The following TMEM87B variants were observed in gnomAD, a reference collection of about 807,000 sequenced individuals.
The protein encoded by TMEM87B is transmembrane protein 87B.
A neutral mutation model predicts 80.3 loss-of-function variants in TMEM87B; 83 were observed. The ratio of observed to expected loss-of-function variants is 1.03; its 90% CI spans 0.87 to 1.24. TMEM87B has a LOEUF of 1.24. TMEM87B is among the 50% of genes most tolerant of loss of function. The pLI is 0.00. For synonymous variants in TMEM87B, 219 were observed against 230.5 expected (o/e 0.95, Z 0.45); for missense variants, 625 against 674.4 (o/e 0.93, Z 0.81).
chr2:112,086,152 C>T (rs746455505), intron 9 of TMEM87B, 48 bp downstream of exon 9: 1 of 1,458,152 alleles, frequency 6.9e-7, no homozygotes, highest in Non-Finnish European at 9.6e-7. Context: ...CCCAGTGATT[C>T]AGTCCGTCTA....
intron 1 of TMEM87B, 42 bp downstream of exon 1, chr2:112,055,798 C>T (rs764861617): frequency 4.1e-6 from 6 of 1,447,502 alleles, no homozygotes; most frequent in Non-Finnish European, 5.5e-6. Context: ...CGTCTCGGGC[C>T]GTCAGGGCCG....
At chr2:112,094,499 G>A (rs967663185) in intron 11 of TMEM87B, among the ~76,000 whole-genome samples, 1 of 151,856 alleles carries the variant, frequency 6.6e-6, no homozygotes, top group Non-Finnish European at 1.5e-5. Context: ...TAGTTCATTG[G>A]GAAAAACACT....
At chr2:112,067,127 C>G (rs1057407516) in intron 4 of TMEM87B, 60 bp downstream of exon 4, 2 of 1,567,964 alleles carry the variant, frequency 1.3e-6, no homozygotes, top group African/African-American at 2.8e-5. Flanking sequence ...CAAGTATCAA[C>G]TGAAGTAATG....
chr2:112,112,839 C>A, intron 17 of TMEM87B, 60 bp from the exon 18 acceptor site: 1 of 1,534,502 alleles, frequency 6.5e-7, no homozygotes, highest in South Asian at 1.1e-5. Flanking sequence ...ATTCGGCTTT[C>A]GTGGATACAC....
intron 5 of TMEM87B, among the ~76,000 whole-genome samples, chr2:112,076,842 T>G (rs1001602609): frequency 2.9e-4 from 40 of 139,264 alleles, no homozygotes; most frequent in African/African-American, 9.4e-4. Context: ...CTTTTCTGTT[T>G]TGTGTGTGTG....
Position 112,081,891 on chromosome 2 carries a change from C to T in TMEM87B, c.838+373C>T, listed in dbSNP as rs115966237. Among the ~76,000 whole-genome samples, 231 of 152,258 alleles carry T rather than the reference C, an allele frequency of 1.5e-3. 2 individuals are homozygous for T. Among genetic ancestry groups the T allele is most frequent in the African/African-American group, 4.9e-3 (205 of 41,544 alleles). Reference sequence around the variant, plus strand: ...CACATCTTCTTTTCTTTCTCCTTCTCCTTCAAAAAACGAAAGGAAATTGGC... The same window carrying T: ...CACATCTTCTTTTCTTTCTCCTTCTTCTTCAAAAAACGAAAGGAAATTGGC... On this transcript the variant is annotated intron_variant, in intron 8 of 18. Coordinates refer to ENST00000283206, the MANE Select transcript of TMEM87B (RefSeq NM_032824.3).
Position 112,055,423 on chromosome 2 carries a change from T to G in TMEM87B, c.-169T>G. Reference sequence around the variant, plus strand: ...CCTGCCTCCCGGTCCTGGCCGGGTTTCCCAGAACTGCACGGCGCCTCTCCG... The same window carrying G: ...CCTGCCTCCCGGTCCTGGCCGGGTTGCCCAGAACTGCACGGCGCCTCTCCG... On this transcript the variant is annotated 5_prime_UTR_variant, in exon 1 of 19. Coordinates refer to ENST00000283206, the MANE Select transcript of TMEM87B (RefSeq NM_032824.3). The G allele has an allele frequency of 1.3e-6, 1 of 757,366 alleles. No homozygotes were observed. Among genetic ancestry groups the G allele is most frequent in the Non-Finnish European group, 2.0e-6 (1 of 510,822 alleles). The allele number at this position is 757,366 out of a possible 1,614,324, so 46.9% of individuals were successfully genotyped here.
chr2:112,096,269 G>A (rs1025540851), intron 11 of TMEM87B, among the ~76,000 whole-genome samples: 3 of 151,994 alleles, frequency 2.0e-5, no homozygotes, highest in Non-Finnish European at 2.9e-5. Flanking sequence ...TTGACTCACC[G>A]TCAGCCTGAG....
chr2:112,116,186 C>G lies in TMEM87B; in HGVS notation c.*43C>G, dbSNP rs375376447. The G allele has an allele frequency of 2.1e-5, 33 of 1,543,528 alleles. No individual in the cohort carries two copies. The highest frequency in any genetic ancestry group is 2.9e-5 in the Non-Finnish European group (33 of 1,127,650). On this transcript the variant is annotated 3_prime_UTR_variant, in exon 19 of 19. Coordinates refer to ENST00000283206, the MANE Select transcript of TMEM87B (RefSeq NM_032824.3). The stretch of plus-strand genomic sequence containing the variant: ...AATGTAGTTAAGCCTGAAGGACTAT[C>G]CTTCATCAAGACTGAAAGTGAGCTT...
At chr2:112,098,272 A>G (rs1679529920) in intron 13 of TMEM87B, among the ~76,000 whole-genome samples, 2 of 152,176 alleles carry the variant, frequency 1.3e-5, no homozygotes, top group Non-Finnish European at 2.9e-5. Context: ...TGCCTTAGAG[A>G]CAATTTAATA....
At chr2:112,102,815 G>T (rs1435398708) in intron 15 of TMEM87B, among the ~76,000 whole-genome samples, 2 of 152,046 alleles carry the variant, frequency 1.3e-5, no homozygotes, top group Admixed American at 1.3e-4. Flanking sequence ...ATTCTAAAAT[G>T]GTATGAAAAC....
intron 15 of TMEM87B, among the ~76,000 whole-genome samples, chr2:112,104,833 GATAA>G (rs550119662): frequency 6.2e-4 from 95 of 152,220 alleles, no homozygotes; most frequent in African/African-American, 2.1e-3. Context: ...CAGGTGAAAA[GATAA>G]ATAAATTGCC....
intron 2 of TMEM87B, among the ~76,000 whole-genome samples, chr2:112,063,737 T>C (rs1678328767): frequency 6.6e-6 from 1 of 152,160 alleles, no homozygotes; most frequent in African/African-American, 2.4e-5. Flanking sequence ...AGAGTGCCTG[T>C]TTAGTTGTTA....
At position 112,100,651 on chromosome 2, in the gene TMEM87B, C is replaced by G; in HGVS notation, c.1406C>G (p.Ser469Cys). The G allele has an allele frequency of 6.2e-7, 1 of 1,609,976 alleles. No individual in the cohort carries two copies. The change falls in exon 15 of 19, where the codon TCT (serine) becomes TGT (cysteine). Residue 469 changes from serine to cysteine, a missense_variant. Ser to Cys is a moderately radical substitution (Grantham distance 112, BLOSUM62 -1). Coordinates refer to ENST00000283206, the MANE Select transcript of TMEM87B (RefSeq NM_032824.3). ...GCCTTCATGCCCTTAATAGATGATT[C>G]TGATGATGAAATTGAGGAATTCATG... ...RYAFMPLIDD[S>C]DDEIEEFMVT...
rs1352264094 is a variant in TMEM87B, at chr2:112,095,332, A to G, written c.1105-1712A>G. 3.1e-6 allele frequency: 3 copies of G among 982,060 alleles called. No homozygotes were observed. In the Admixed American group the frequency reaches 1.9e-4, roughly 62 times the overall value. 60.8% of individuals were successfully genotyped at this position (982,060 alleles called of 1,614,324 possible). A position where few individuals can be genotyped will look rare whatever the true frequency, so the allele number is the denominator to read the frequency against. On this transcript the variant is annotated intron_variant, in intron 11 of 18. Coordinates refer to ENST00000283206, the MANE Select transcript of TMEM87B (RefSeq NM_032824.3). ...TTTCCTACCACAGCAGCGCGCTCTC[A>G]CTTCAGGATCAGAAGGGCTATTTGT...
rs1258677039 is a variant in TMEM87B at position 112,118,239 on chromosome 2, A to G, written c.*2096A>G. ...AAGGGTCTTCTTAGGCCCCTTACAT[A>G]CGCAAGAGGGGTGCTCTAGTGCCAT... On this transcript the variant is annotated 3_prime_UTR_variant, in exon 19 of 19. Coordinates refer to ENST00000283206, the MANE Select transcript of TMEM87B (RefSeq NM_032824.3). 6.6e-6 allele frequency: 1 copy of G among 152,156 alleles called. No homozygotes were observed. The highest frequency in any genetic ancestry group is 1.5e-5 in the Non-Finnish European group (1 of 68,028). The allele number at this position is 152,156 out of a possible 1,614,324, so 9.4% of individuals were successfully genotyped here.
chr2:112,058,445 T>C (rs142713094), intron 1 of TMEM87B, among the ~76,000 whole-genome samples: 1 of 152,212 alleles, frequency 6.6e-6, no homozygotes, highest in South Asian at 2.1e-4. Context: ...CAGCTGCCAT[T>C]TGGCTTCAGC....
In TMEM87B at chr2:112,089,676, C is replaced by T; in HGVS notation, c.990C>T (p.Tyr330=). The T allele has an allele frequency of 6.2e-7, 1 of 1,614,160 alleles. No homozygotes were observed. The highest frequency in any genetic ancestry group is 8.5e-7 in the Non-Finnish European group (1 of 1,180,008). Residue 330 remains tyrosine (Y), a synonymous_variant, in exon 10 of 19, where the codon TAC becomes TAT. Transcript: ENST00000283206. ...MHRVIGLGLL[Y]LIFAAVEGVM... Reference sequence around the variant, plus strand: ...GGGTGATCGGACTGGGGCTTCTATACTTAATCTTTGCAGCTGTTGAAGGCG... The same window carrying T: ...GGGTGATCGGACTGGGGCTTCTATATTTAATCTTTGCAGCTGTTGAAGGCG...
At chr2:112,080,965 G>T in intron 6 of TMEM87B, 92 bp from the exon 7 acceptor site, 1 of 1,072,600 alleles carries the variant, frequency 9.3e-7, no homozygotes. Flanking sequence ...TTGTTAGTGT[G>T]GTTTGTATTC....
Sources: gnomAD v4.1 joint callset for allele counts (sites outside exome capture counted in the v4.1 genomes callset) on GRCh38, gnomAD v4.1.1 for gene constraint, MANE v1.5 for transcripts, NCBI Gene and HGNC (gene_info 2026-07-23, HGNC 2026-07-21) for gene names.